Variants in STXBP6 observed in about 807,000 individuals in gnomAD.
STXBP6 encodes the protein syntaxin-binding protein 6.
Under a neutral mutation model 26.9 loss-of-function variants are expected in STXBP6, and 21 were observed. That is an observed-to-expected ratio of 0.78 (90% CI 0.55 to 1.12). STXBP6 has a LOEUF of 1.12. Among genes scored for constraint, STXBP6 ranks in the 50% most tolerant of loss-of-function variants. The pLI, the probability that STXBP6 is intolerant of heterozygous loss-of-function variation, is 0.00. For synonymous variants in STXBP6, 97 were observed against 92.6 expected, an observed-to-expected ratio of 1.05 and a Z score of -0.27; for missense variants, 232 against 257.9, an observed-to-expected ratio of 0.90 and a Z score of 0.69.
Position 25,021,882 on chromosome 14 carries a change from G to A in STXBP6, c.-33+27996C>T, listed in dbSNP as rs139843628. ...AATCAACTTTCATTTCCCTCTCAAC[G>A]CTATTATACAACTTAAAACACAGTA... On this transcript the variant is annotated intron_variant, in intron 1 of 5. Transcript: ENST00000323944. 2.5e-3 allele frequency among the ~76,000 whole-genome samples: 383 copies of A among 152,186 alleles called. 7 individuals carry two copies. In the East Asian group the frequency reaches 0.035, roughly 14 times the overall value.
At chr14:25,048,765 G>C (rs1018124709) in intron 1 of STXBP6, among the ~76,000 whole-genome samples, 3 of 152,190 alleles carry the variant, frequency 2.0e-5, no homozygotes, top group South Asian at 2.1e-4. Context: ...GCTCTGACTA[G>C]GGCGCAGCTC....
intron 1 of STXBP6, chr14:25,048,996 G>C: frequency 4.5e-6 from 1 of 224,504 alleles, no homozygotes; most frequent in Non-Finnish European, 7.5e-6. Context: ...CTAGGGAAGC[G>C]TAATAGGAAG....
At chr14:24,962,073 G>T (rs190564520) in intron 2 of STXBP6, among the ~76,000 whole-genome samples, 201 of 152,222 alleles carry the variant, frequency 1.3e-3, no homozygotes, top group Non-Finnish European at 2.5e-3. Flanking sequence ...GTCTAGGTAA[G>T]ACACCTTCTT....
Position 24,829,991 on chromosome 14 carries a change from G to A in STXBP6, c.452-10797C>T, listed in dbSNP as rs965203022. Among the ~76,000 whole-genome samples the A allele has an allele frequency of 5.3e-5, 8 of 152,254 alleles. 2 individuals are homozygous for A. Among genetic ancestry groups the A allele is most frequent in the Admixed American group, 3.9e-4 (6 of 15,288 alleles). ...GGGAAGAGGGACTGACTTAGAATCA[G>A]TTTGAAAGCCATATCTGAAGACGTA... On this transcript the variant is annotated intron_variant, in intron 4 of 5. Coordinates refer to ENST00000323944, the MANE Select transcript of STXBP6 (RefSeq NM_001394410.1).
Position 24,897,264 on chromosome 14 carries a change from GC to G in STXBP6, c.155-40108del, listed in dbSNP as rs1173093701. 4.1e-4 allele frequency among the ~76,000 whole-genome samples: 62 copies of G among 151,866 alleles called. 1 individual carries two copies. The highest frequency in any genetic ancestry group is 1.5e-3 in the African/African-American group (61 of 41,414). ...TCTCTACTAAAAATACATAAAATTA[GC>G]CAGGCGTGGTGGTGGGCGCCTTTAG... On this transcript the variant is annotated intron_variant, in intron 2 of 5. Transcript: ENST00000323944.
intron 2 of STXBP6, among the ~76,000 whole-genome samples, chr14:24,956,170 G>A (rs2073338667): frequency 6.6e-6 from 1 of 151,900 alleles, no homozygotes; most frequent in South Asian, 2.1e-4. Context: ...ATGGGTCAAT[G>A]GAATTAAGGG....
chr14:24,969,744 A>G (rs552647994), intron 2 of STXBP6, among the ~76,000 whole-genome samples: 2 of 152,218 alleles, frequency 1.3e-5, no homozygotes, highest in Non-Finnish European at 2.9e-5. Flanking sequence ...ATAGCACAAA[A>G]TAAAGATTTT....
At chr14:24,978,445 A>G (rs1595238505) in intron 1 of STXBP6, among the ~76,000 whole-genome samples, 2 of 152,242 alleles carry the variant, frequency 1.3e-5, no homozygotes, top group African/African-American at 4.8e-5. Context: ...CCATCTAAGC[A>G]GCTTTATCAA....
At chr14:25,034,149 G>T (rs2075510514) in intron 1 of STXBP6, among the ~76,000 whole-genome samples, 1 of 152,152 alleles carries the variant, frequency 6.6e-6, no homozygotes, top group Non-Finnish European at 1.5e-5. Context: ...TTTGATAAAG[G>T]TAGGGGAAGG....
chr14:24,861,990 C>T lies in STXBP6; in HGVS notation c.155-4833G>A, dbSNP rs542673718. ...GTCTGACATGGGATACTTAAATCTG[C>T]GCGTTTTTTGTTCTGTTTTGCTTTC... On this transcript the variant is annotated intron_variant, in intron 2 of 5. Transcript: ENST00000323944. Among the ~76,000 whole-genome samples, 213 of 152,226 alleles carry T rather than the reference C, an allele frequency of 1.4e-3. 1 individual carries two copies. Among genetic ancestry groups the T allele is most frequent in the African/African-American group, 4.6e-3 (192 of 41,564 alleles).
chr14:25,049,401 T>C lies in STXBP6; in HGVS notation c.-33+477A>G. ...TCAGTTTTGGCAGTAATGATTTTCC[T>C]AGAAGATGCCAGAGTTCGCGAAGAT... On this transcript the variant is annotated intron_variant, in intron 1 of 5. Transcript: ENST00000323944. This position sits in a 1 kb window ranked among gnomAD's most constrained non-coding sequence, Gnocchi z 5.6. 2 of 985,412 alleles carry C rather than the reference T, an allele frequency of 2.0e-6. No homozygotes were observed. Among genetic ancestry groups the C allele is most frequent in the African/African-American group, 3.5e-5 (2 of 57,366 alleles). 61.0% of individuals were successfully genotyped at this position (985,412 alleles called of 1,614,324 possible).
chr14:25,000,945 T>C (rs778098864), intron 1 of STXBP6, among the ~76,000 whole-genome samples: 2 of 152,060 alleles, frequency 1.3e-5, no homozygotes, highest in Non-Finnish European at 2.9e-5. Context: ...TTCCCCTCTA[T>C]CTTTGGGTCT....
chr14:25,024,206 T>C (rs557360227), intron 1 of STXBP6, among the ~76,000 whole-genome samples: 1 of 151,872 alleles, frequency 6.6e-6, no homozygotes, highest in Admixed American at 6.6e-5. Flanking sequence ...CTACTCAGGA[T>C]GCTGAGGCAG....
chr14:25,030,486 T>C (rs761659281), intron 1 of STXBP6, among the ~76,000 whole-genome samples: 2 of 152,174 alleles, frequency 1.3e-5, no homozygotes, highest in Non-Finnish European at 2.9e-5. Flanking sequence ...TCTAAGACCT[T>C]GAGTGGAGGA....
At chr14:25,010,583 C>T (rs1452428152) in intron 1 of STXBP6, 1 of 152,230 alleles carries the variant, frequency 6.6e-6, no homozygotes, top group Non-Finnish European at 1.5e-5. Context: ...ACACAAAGCA[C>T]CTTTCCTCCT....
At chr14:24,845,786 G>C (rs2068941453) in intron 4 of STXBP6, among the ~76,000 whole-genome samples, 1 of 152,152 alleles carries the variant, frequency 6.6e-6, no homozygotes, top group Admixed American at 6.5e-5. Flanking sequence ...ATTATGCTGA[G>C]TTACCTGGGT....
intron 1 of STXBP6, among the ~76,000 whole-genome samples, chr14:24,978,325 G>A (rs995058999): frequency 1.3e-5 from 2 of 152,166 alleles, no homozygotes; most frequent in Non-Finnish European, 2.9e-5. Flanking sequence ...TAAATGCTCT[G>A]AGCCTAGAGA....
intron 2 of STXBP6, among the ~76,000 whole-genome samples, chr14:24,914,013 T>A (rs2071666695): frequency 6.6e-6 from 1 of 152,202 alleles, no homozygotes; most frequent in Non-Finnish European, 1.5e-5. Context: ...TTACTGAGCC[T>A]TAAATTATGC....
At chr14:24,921,724 T>C (rs2071984730) in intron 2 of STXBP6, among the ~76,000 whole-genome samples, 1 of 152,074 alleles carries the variant, frequency 6.6e-6, no homozygotes, top group Non-Finnish European at 1.5e-5. Flanking sequence ...AGGCGGCAAA[T>C]TACAGTCATT....
Sources: allele counts gnomAD v4.1 joint callset (sites outside exome capture counted in the v4.1 genomes callset), GRCh38; gene constraint gnomAD v4.1.1; non-coding constraint Gnocchi (gnomAD v3.1); transcripts MANE v1.5; gene names NCBI Gene and HGNC (gene_info 2026-07-23, HGNC 2026-07-21).